Variants in CNKSR3 observed in about 807,000 individuals in gnomAD.
The protein encoded by CNKSR3 is CNKSR family member 3, also known as connector enhancer of kinase suppressor of ras 3.
A neutral mutation model predicts 67.7 loss-of-function variants in CNKSR3; 36 were observed. The observed-to-expected ratio is 0.53, with a 90% CI of 0.41 to 0.70. CNKSR3 has a LOEUF of 0.70. Among genes scored for constraint, CNKSR3 ranks in the 30% least tolerant of loss-of-function variants. CNKSR3 has a pLI of 0.00. For synonymous variants in CNKSR3, 281 were observed against 271.4 expected (o/e 1.04, Z -0.35); for missense variants, 630 against 695.2 (o/e 0.91, Z 1.05).
intron 1 of CNKSR3, among the ~76,000 whole-genome samples, chr6:154,480,786 A>G (rs1296493722): frequency 6.6e-6 from 1 of 152,234 alleles, no homozygotes; most frequent in Non-Finnish European, 1.5e-5. Context: ...CAGTTCACTG[A>G]GCATGTGCCA....
intron 1 of CNKSR3, among the ~76,000 whole-genome samples, chr6:154,487,747 C>G (rs900090133): frequency 6.6e-6 from 1 of 152,216 alleles, no homozygotes; most frequent in Non-Finnish European, 1.5e-5. Context: ...CCAAAACAGA[C>G]GCGCTGAAGC....
rs1187428841 is a variant in CNKSR3 at position 154,402,625 on chromosome 6, T to C, written c.*3729A>G. ...GGGACTAACAGCAGTACTCACCTCA[T>C]AGATTTATTAGAAAGGTATTAGAAC... On this transcript the variant is annotated 3_prime_UTR_variant, in exon 13 of 13. Transcript: ENST00000607772. The C allele has an allele frequency of 6.6e-6, 1 of 152,184 alleles. No individual in the cohort carries two copies. Among genetic ancestry groups the C allele is most frequent in the African/African-American group, 2.4e-5 (1 of 41,440 alleles). The allele number at this position is 152,184 out of a possible 1,614,324, so 9.4% of individuals were successfully genotyped here.
At chr6:154,431,213 G>T (rs996591823) in intron 5 of CNKSR3, among the ~76,000 whole-genome samples, 1 of 152,060 alleles carries the variant, frequency 6.6e-6, no homozygotes, top group Non-Finnish European at 1.5e-5. Flanking sequence ...GGAGGCTGAG[G>T]TAGGGGGATC....
At chr6:154,472,040 G>C (rs1786340463) in intron 1 of CNKSR3, among the ~76,000 whole-genome samples, 1 of 152,136 alleles carries the variant, frequency 6.6e-6, no homozygotes, top group Admixed American at 6.5e-5. Flanking sequence ...ACAACTTTCA[G>C]AGCAAATATA....
At chr6:154,441,584 A>C (rs1785588095) in intron 3 of CNKSR3, among the ~76,000 whole-genome samples, 1 of 152,142 alleles carries the variant, frequency 6.6e-6, no homozygotes, top group African/African-American at 2.4e-5. Flanking sequence ...CCCAGGTTCA[A>C]GCAACTCTCC....
At position 154,394,109 on chromosome 6, in the gene CNKSR3, C is replaced by G. The variant is rs1458012293; in HGVS notation, c.*12245G>C. The stretch of plus-strand genomic sequence containing the variant: ...ACCTGGTTTACTGTAACCTCAAACT[C>G]CTGGGCTCCAGCGATTATCCCACCT... On this transcript the variant is annotated 3_prime_UTR_variant, in exon 13 of 13. Transcript: ENST00000607772. 6.6e-6 allele frequency: 1 copy of G among 152,156 alleles called. No individual in the cohort carries two copies. The highest frequency in any genetic ancestry group is 1.9e-4 in the East Asian group (1 of 5,186). 9.4% of individuals were successfully genotyped at this position (152,156 alleles called of 1,614,324 possible).
Position 154,510,338 on chromosome 6 carries a change from C to T in CNKSR3, c.-224G>A. ...TGCCACAGTCCAGCTGCAGCTCCTC[C>T]TTCCCCCGCCGCCGCCGGGATCCCG... is the stretch of plus-strand genomic sequence containing the variant. On this transcript the variant is annotated 5_prime_UTR_variant, in exon 1 of 13. Coordinates refer to ENST00000607772, the MANE Select transcript of CNKSR3 (RefSeq NM_173515.4). The T allele has an allele frequency of 1.8e-6, 1 of 551,308 alleles. No homozygotes were observed. Among genetic ancestry groups the T allele is most frequent in the African/African-American group, 2.0e-5 (1 of 49,268 alleles). The allele number at this position is 551,308 out of a possible 1,614,324, so 34.2% of individuals were successfully genotyped here.
chr6:154,466,909 G>C (rs1399070703), intron 1 of CNKSR3, among the ~76,000 whole-genome samples: 2 of 151,824 alleles, frequency 1.3e-5, no homozygotes. Flanking sequence ...AGAGGAGTGA[G>C]CTCAGCCCAC....
intron 1 of CNKSR3, among the ~76,000 whole-genome samples, chr6:154,470,358 T>C (rs566920637): frequency 3.9e-5 from 6 of 152,098 alleles, no homozygotes; most frequent in Admixed American, 3.9e-4. Flanking sequence ...CAAGCTACCA[T>C]GCCCAGCTAA....
chr6:154,412,162 G>A (rs1160867546), intron 10 of CNKSR3, among the ~76,000 whole-genome samples: 1 of 152,120 alleles, frequency 6.6e-6, no homozygotes, highest in Non-Finnish European at 1.5e-5. Flanking sequence ...GTCTGTGTGT[G>A]GTATTCCCAG....
At chr6:154,457,298 T>C (rs185849163) in intron 1 of CNKSR3, among the ~76,000 whole-genome samples, 1 of 152,290 alleles carries the variant, frequency 6.6e-6, no homozygotes, top group African/African-American at 2.4e-5. Flanking sequence ...CCCAGTTACA[T>C]CACTTGGAAA....
chr6:154,451,468 AACGCGCACACAC>A (rs1304338528), intron 1 of CNKSR3, among the ~76,000 whole-genome samples: 1 of 140,522 alleles, frequency 7.1e-6, no homozygotes. Flanking sequence ...CTCCCCACCA[AACGCGCACACAC>A]ACACACGCAC....
rs1231776961 is a variant in CNKSR3, at chr6:154,404,022, G to A, written c.*2332C>T. 2 of 151,904 alleles carry A rather than the reference G, an allele frequency of 1.3e-5. No homozygotes were observed. The highest frequency in any genetic ancestry group is 4.8e-5 in the African/African-American group (2 of 41,342). The allele number at this position is 151,904 out of a possible 1,614,324, so 9.4% of individuals were successfully genotyped here. A position where few individuals can be genotyped will look rare whatever the true frequency, so the allele number is the denominator to read the frequency against. On this transcript the variant is annotated 3_prime_UTR_variant, in exon 13 of 13. Transcript: ENST00000607772. ...AGACAAGAGTAAAACAGGCAGGGCT[G>A]GCTCGCCCCTCGTACACAGCTCCCT...
intron 1 of CNKSR3, among the ~76,000 whole-genome samples, chr6:154,451,731 C>T (rs1042491044): frequency 6.7e-6 from 1 of 148,628 alleles, no homozygotes; most frequent in Non-Finnish European, 1.5e-5. Context: ...TAATAAGATA[C>T]AGGAAGAAGA....
chr6:154,445,030 A>C (rs1028090740), intron 2 of CNKSR3, among the ~76,000 whole-genome samples: 2 of 151,814 alleles, frequency 1.3e-5, no homozygotes, highest in African/African-American at 4.8e-5. Flanking sequence ...TTTTTTTTGC[A>C]AGATGAACAA....
At chr6:154,410,835 T>A in intron 11 of CNKSR3, 99 bp downstream of exon 11, 2 of 905,910 alleles carry the variant, frequency 2.2e-6, no homozygotes, top group South Asian at 3.2e-5. Flanking sequence ...AGATTACTCT[T>A]GAAGTCTGCC....
chr6:154,442,078 T>G lies in CNKSR3; in HGVS notation c.419+10A>C. ...CTTGCAGGGCAGTAAAAGGCACATC[T>G]CCAACTTACCGGTCCAGCCACGCCA... On this transcript the variant is annotated intron_variant, in intron 3 of 12. Transcript: ENST00000607772. The G allele has an allele frequency of 6.3e-7, 1 of 1,595,004 alleles. No individual in the cohort carries two copies. The highest frequency in any genetic ancestry group is 8.6e-7 in the Non-Finnish European group (1 of 1,167,664).
chr6:154,489,999 C>T (rs556397736), intron 1 of CNKSR3, among the ~76,000 whole-genome samples: 57 of 152,278 alleles, frequency 3.7e-4, no homozygotes, highest in Non-Finnish European at 6.6e-4. Context: ...TCCCTCCTCT[C>T]CATTCATCAT....
intron 1 of CNKSR3, among the ~76,000 whole-genome samples, chr6:154,464,564 A>C (rs1452078771): frequency 6.6e-6 from 1 of 151,264 alleles, no homozygotes; most frequent in African/African-American, 2.4e-5. Context: ...AAATACAAAA[A>C]ATTAGCCATG....
Sources: allele counts gnomAD v4.1 joint callset (sites outside exome capture counted in the v4.1 genomes callset), GRCh38; gene constraint gnomAD v4.1.1; transcripts MANE v1.5; gene names NCBI Gene and HGNC (gene_info 2026-07-23, HGNC 2026-07-21).